Variants in MYO19 observed in about 807,000 individuals in gnomAD.
The protein encoded by MYO19 is unconventional myosin-XIX.
In MYO19, 132 loss-of-function variants were observed where a neutral mutation model predicts 129.2. The observed-to-expected ratio is 1.02, with a 90% CI of 0.89 to 1.18. The LOEUF (loss-of-function observed/expected upper bound fraction) is 1.18, where lower values mean the gene tolerates loss of function less well. Ranked by LOEUF, MYO19 falls within the 50% of genes most tolerant of loss-of-function variation. MYO19 has a pLI of 0.00. For missense variants in MYO19, 1,210 were observed against 1,216.7 expected (o/e 0.99, Z 0.08); for synonymous variants, 531 against 477.2 (o/e 1.11, Z -1.47).
At position 36,498,504 on chromosome 17, in the gene MYO19, A is replaced by C; in HGVS notation, c.2519T>G (p.Phe840Cys). 6.2e-7 allele frequency: 1 copy of C among 1,614,058 alleles called. No homozygotes were observed. The highest frequency in any genetic ancestry group is 8.5e-7 in the Non-Finnish European group (1 of 1,179,904). The change falls in exon 25 of 26, where the codon TTC (phenylalanine) becomes TGC (cysteine). Residue 840 changes from phenylalanine (F) to cysteine (C), a missense_variant. Transcript: ENST00000614623. ...KELDGVEEKHFSQAPCSLSTS... is the reference protein window; with the variant it reads ...KELDGVEEKHCSQAPCSLSTS... ...GCTCAGGGAACAGGGAGCTTGAGAG[A>C]AGTGTTTTTCTTCCACACCATCCAG...
chr17:36,534,817 G>C lies in MYO19; in HGVS notation c.-352C>G, dbSNP rs892042256. On this transcript the variant is annotated 5_prime_UTR_variant, in exon 1 of 26. Transcript: ENST00000614623. ...GCCCCCGCCCGGCCAGACTGGAAAG[G>C]CGGGCGGGCCAGGTCAGGCGGCGGG... is the stretch of plus-strand genomic sequence containing the variant. 6.6e-6 allele frequency: 1 copy of C among 152,556 alleles called. No individual in the cohort carries two copies. The highest frequency in any genetic ancestry group is 6.5e-5 in the Admixed American group (1 of 15,292). The allele number at this position is 152,556 out of a possible 1,614,324, so 9.5% of individuals were successfully genotyped here.
chr17:36,501,334 CTT>C, intron 21 of MYO19, 99 bp from the exon 22 acceptor site: 1 of 1,266,148 alleles, frequency 7.9e-7, no homozygotes, highest in Non-Finnish European at 1.1e-6. Flanking sequence ...CTACAGGTCT[CTT>C]TCCTGCTGTT....
At position 36,504,287 on chromosome 17, in the gene MYO19, C is replaced by A. The variant is rs531036237; in HGVS notation, c.1906-267G>T. ...ACAGCTGAAGCAAGTGATGTCCTGG[C>A]TCCGTCTCACCCTGCCCTCAGTGTA... On this transcript the variant is annotated intron_variant, in intron 19 of 25. Transcript: ENST00000614623. 1,493 of 458,186 alleles carry A rather than the reference C, an allele frequency of 3.3e-3. 5 individuals are homozygous for A. Among genetic ancestry groups the A allele is most frequent in the South Asian group, 4.8e-3 (127 of 26,240 alleles). 28.4% of individuals were successfully genotyped at this position (458,186 alleles called of 1,614,324 possible). A position where few individuals can be genotyped will look rare whatever the true frequency, so the allele number is the denominator to read the frequency against.
chr17:36,511,262 G>A, intron 12 of MYO19, 103 bp downstream of exon 12: 1 of 1,271,734 alleles, frequency 7.9e-7, no homozygotes, highest in Non-Finnish European at 1.1e-6. Context: ...GCATAAGCAA[G>A]GGCATCAGAT....
chr17:36,507,311 G>A, intron 16 of MYO19, 88 bp downstream of exon 16: 1 of 1,433,692 alleles, frequency 7.0e-7, no homozygotes, highest in Non-Finnish European at 9.7e-7. Flanking sequence ...GGAGGAGAGA[G>A]GCACAGAGAG....
chr17:36,538,409 C>T (rs2074173260), upstream of MYO19: 13 of 1,614,130 alleles, frequency 8.1e-6, no homozygotes, highest in Non-Finnish European at 1.1e-5. Flanking sequence ...GAATGGAACC[C>T]AGTCTTTGTT....
intron 11 of MYO19, chr17:36,512,933 G>T: frequency 3.5e-6 from 3 of 848,362 alleles, no homozygotes; most frequent in Non-Finnish European, 4.7e-6. Context: ...GACAGAGAGG[G>T]TAGGAACTTG....
At chr17:36,514,025 G>C (rs1343138462) in intron 9 of MYO19, among the ~76,000 whole-genome samples, 1 of 152,206 alleles carries the variant, frequency 6.6e-6, no homozygotes. Flanking sequence ...ATCACCTAAG[G>C]ATGCTCCGAT....
intron 2 of MYO19, among the ~76,000 whole-genome samples, chr17:36,540,427 GTGGCACAGTCT>G (rs1190614200): frequency 6.7e-6 from 1 of 150,114 alleles, no homozygotes; most frequent in Non-Finnish European, 1.5e-5. Context: ...CTGGAGTGCA[GTGGCACAGTCT>G]TGGTTCACTA....
chr17:36,538,227 T>G, upstream of MYO19: 1 of 1,613,202 alleles, frequency 6.2e-7, no homozygotes, highest in Non-Finnish European at 8.5e-7. Context: ...CTTTTGTATT[T>G]GGATAGTTGC....
At chr17:36,540,376 T>TG (rs1341251895) in intron 2 of MYO19, among the ~76,000 whole-genome samples, 2 of 150,576 alleles carry the variant, frequency 1.3e-5, no homozygotes, top group East Asian at 3.9e-4. Context: ...TACTGTCTTT[T>TG]TTTTTTTTTT....
At chr17:36,500,033 AT>A (rs1404905952) in intron 23 of MYO19, 1 of 151,550 alleles carries the variant, frequency 6.6e-6, no homozygotes, top group African/African-American at 2.4e-5. Flanking sequence ...TAATTTTTGT[AT>A]TTTTAGTAGA....
In MYO19 at chr17:36,510,857, A is replaced by C. The variant is rs1599295267; in HGVS notation, c.1046T>G (p.Val349Gly). Residue 349 changes from valine (V) to glycine (G), a missense_variant, in exon 13 of 26, where the codon GTG becomes GGG. By Grantham distance (109) the Val-to-Gly change is moderately radical. Transcript: ENST00000614623. Reference protein sequence around the residue: ...GLPEDVLLEMVQIRTIRAGRQ... With the variant: ...GLPEDVLLEMGQIRTIRAGRQ... ...GCCTGCCCTGATGGTTCTAATCTGC[A>C]CCATCTCCAGCAGCACGTCCTCTGG... 2.5e-6 allele frequency: 4 copies of C among 1,581,994 alleles called. No individual in the cohort carries two copies. The East Asian group carries it at 9.3e-5, about 37-fold the overall frequency.
At chr17:36,502,222 C>T (rs906385172) in intron 21 of MYO19, among the ~76,000 whole-genome samples, 3 of 152,138 alleles carry the variant, frequency 2.0e-5, no homozygotes, top group African/African-American at 7.2e-5. Context: ...CTCCCACAGC[C>T]TCTCTTTTAT....
At position 36,496,407 on chromosome 17, in the gene MYO19, C is replaced by T. The variant is rs1807362894; in HGVS notation, c.2758-1G>A. ...TTCTGCAGTGAAACTTTATCGATCC[C>T]TAGAGGGGAGAGAGAGATGCAGCTT... is the stretch of plus-strand genomic sequence containing the variant. On this transcript the variant is annotated splice_acceptor_variant, in intron 25 of 25. Coordinates refer to ENST00000614623, the MANE Select transcript of MYO19 (RefSeq NM_001163735.2). LOFTEE classifies it high-confidence loss of function. 6.2e-7 allele frequency: 1 copy of T among 1,613,824 alleles called. No homozygotes were observed. The highest frequency in any genetic ancestry group is 1.1e-5 in the South Asian group (1 of 91,078).
intron 6 of MYO19, 55 bp downstream of exon 6, chr17:36,525,173 T>C: frequency 1.5e-6 from 2 of 1,338,934 alleles, no homozygotes; most frequent in Middle Eastern, 1.8e-4. Flanking sequence ...GACCCCTGCC[T>C]CCCTGTCCAC....
In MYO19 at chr17:36,498,461, G is replaced by A; in HGVS notation, c.2562C>T (p.Thr854=). The part of the protein sequence containing the change: ...PCSLSTSPLQ[T]RLLEAIIRLW... ...GGCGGATTATTGCCTCCAGGAGCCT[G>A]GTCTGCAGCGGCGAGGTGCTCAGGG... Residue 854 remains threonine, a synonymous_variant, in exon 25 of 26, where the codon ACC becomes ACT. Coordinates refer to ENST00000614623, the MANE Select transcript of MYO19 (RefSeq NM_001163735.2). The A allele has an allele frequency of 6.2e-7, 1 of 1,614,054 alleles. No individual in the cohort carries two copies. The highest frequency in any genetic ancestry group is 8.5e-7 in the Non-Finnish European group (1 of 1,179,886).
chr17:36,506,518 T>A lies in MYO19; in HGVS notation c.1735A>T (p.Thr579Ser). Residue 579 changes from threonine (T) to serine (S), a missense_variant, in exon 18 of 26, where the codon ACC becomes TCC. Thr to Ser is a moderately conservative substitution (Grantham distance 58). Transcript: ENST00000614623. ...GLFPTNPKEK[T>S]QEEPPGQSRA... is the part of the protein sequence containing the mutation. ...CTCTGGCCAGGGGGTTCCTCCTGGG[T>A]CTTCTCTTTGGGGTTAGTAGGAAAC... 6.2e-7 allele frequency: 1 copy of A among 1,606,278 alleles called. No individual in the cohort carries two copies. Among genetic ancestry groups the A allele is most frequent in the Non-Finnish European group, 8.5e-7 (1 of 1,177,476 alleles).
chr17:36,508,006 G>C, intron 14 of MYO19, 82 bp from the exon 15 acceptor site: 70 of 1,447,470 alleles, frequency 4.8e-5, no homozygotes, highest in East Asian at 4.9e-5. Flanking sequence ...GGGTGGCTGG[G>C]CCCCTGCCAA....
Sources: allele counts gnomAD v4.1 joint callset (sites outside exome capture counted in the v4.1 genomes callset), GRCh38; gene constraint gnomAD v4.1.1; transcripts MANE v1.5; gene names NCBI Gene and HGNC (gene_info 2026-07-23, HGNC 2026-07-21).